The following EEF2 variants were observed in gnomAD, a reference collection of about 807,000 sequenced individuals.
The protein encoded by EEF2 is elongation factor 2.
Under a neutral mutation model 85.3 loss-of-function variants are expected in EEF2, and 21 were observed. The observed-to-expected ratio is 0.25, with a 90% confidence interval of 0.17 to 0.35. EEF2 has a LOEUF of 0.35. Ranked by LOEUF, EEF2 falls within the 10% of genes least tolerant of loss-of-function variation. The pLI, the probability that EEF2 is intolerant of heterozygous loss-of-function variation, is 1.00. For missense variants in EEF2, 825 were observed against 1,225.3 expected (o/e 0.67, Z 4.88); for synonymous variants, 723 against 508.8 (o/e 1.42, Z -5.67).
intron 1 of EEF2, 40 bp downstream of exon 1, chr19:3,985,338 C>T (rs768150152): frequency 2.8e-6 from 4 of 1,449,118 alleles, no homozygotes; most frequent in East Asian, 2.8e-5. Flanking sequence ...GCGGAGGCCC[C>T]GCCGCCGCTC....
chr19:3,985,317 G>A (rs2039806460), intron 1 of EEF2, 61 bp downstream of exon 1: 1 of 1,401,160 alleles, frequency 7.1e-7, no homozygotes. Context: ...AGGCTAGGCA[G>A]CGTAGGCCCC....
chr19:3,976,338 G>A lies in EEF2; in HGVS notation c.*216C>T, dbSNP rs1049109020. ...GACCGGCCCATTAAGTCCCTACTAA[G>A]AGGGCGTGTCTGCTGCCTCCGGACT... On this transcript the variant is annotated 3_prime_UTR_variant, in exon 15 of 15. Coordinates refer to ENST00000309311, the MANE Select transcript of EEF2 (RefSeq NM_001961.4). 10 of 317,124 alleles carry A rather than the reference G, an allele frequency of 3.2e-5. No individual in the cohort carries two copies. The highest frequency in any genetic ancestry group is 1.4e-4 in the African/African-American group (6 of 43,642). The allele number at this position is 317,124 out of a possible 1,614,324, so 19.6% of individuals were successfully genotyped here.
chr19:3,980,670 T>A lies in EEF2; in HGVS notation c.1190A>T (p.Tyr397Phe). 2 of 1,614,140 alleles carry A rather than the reference T, an allele frequency of 1.2e-6. No individual in the cohort carries two copies. Among genetic ancestry groups the A allele is most frequent in the South Asian group, 1.1e-5 (1 of 91,084 alleles). ...GGAGGTTGGCACCATTTTGGAAATA[T>A]ACATCATAAGAGGGCCTTTGGGGTC... Reference protein sequence around the residue: ...SCDPKGPLMMYISKMVPTSDK... With the variant: ...SCDPKGPLMMFISKMVPTSDK... The change falls in exon 9 of 15, where the codon TAT (tyrosine) becomes TTT (phenylalanine). Residue 397 changes from tyrosine (Y) to phenylalanine (F), a missense_variant. By Grantham distance (22) the Tyr-to-Phe change is conservative (BLOSUM62 3). Transcript: ENST00000309311.
intron 11 of EEF2, among the ~76,000 whole-genome samples, chr19:3,978,569 GCCGAGGCGGGTGGATCA>G (rs2039705151): frequency 6.6e-6 from 1 of 152,062 alleles, no homozygotes; most frequent in Non-Finnish European, 1.5e-5. Flanking sequence ...ACTTTGGGAG[GCCGAGGCGGGTGGATCA>G]CGAGGTCAGG....
intron 4 of EEF2, 42 bp downstream of exon 4, chr19:3,982,765 C>A (rs768826555): frequency 3.8e-6 from 6 of 1,575,842 alleles, no homozygotes; most frequent in Non-Finnish European, 5.2e-6. Context: ...TCCTGCAGAT[C>A]CCGCTGCGGC....
rs939395235 is a variant in EEF2, at chr19:3,980,099, G to A, written c.1347-33C>T. 12 of 1,600,424 alleles carry A rather than the reference G, an allele frequency of 7.5e-6. No individual in the cohort carries two copies. The East Asian group carries it at 1.8e-4, about 24-fold the overall frequency. ...AAGCAGAAGGCGGCAGCAGGCCGCA[G>A]GGATGGTTGTGCTGGACCCTGGAGG... is the stretch of plus-strand genomic sequence containing the variant. On this transcript the variant is annotated intron_variant, in intron 9 of 14. Transcript: ENST00000309311.
chr19:3,980,479 G>C (rs770574170), intron 9 of EEF2, 35 bp downstream of exon 9: 39 of 1,592,504 alleles, frequency 2.4e-5, no homozygotes, highest in South Asian at 1.9e-4. Flanking sequence ...GCCCGCAACA[G>C]TGCCAAGGGG....
At position 3,977,100 on chromosome 19, in the gene EEF2, T is replaced by C. The variant is rs2039687989; in HGVS notation, c.2383+115A>G. ...GTCAGAAACTGGACCACCTGCTCCA[T>C]CCATCACCTGCTCCCATCAGGACGC... On this transcript the variant is annotated intron_variant, in intron 14 of 14. Transcript: ENST00000309311. The surrounding 1 kb of genome is among the most constrained non-coding windows in gnomAD (Gnocchi z 5.4). 6.9e-7 allele frequency: 1 copy of C among 1,444,428 alleles called. No individual in the cohort carries two copies. The highest frequency in any genetic ancestry group is 2.3e-5 in the East Asian group (1 of 42,898). 89.5% of individuals were successfully genotyped at this position (1,444,428 alleles called of 1,614,324 possible). A position where few individuals can be genotyped will look rare whatever the true frequency, so the allele number is the denominator to read the frequency against.
At chr19:3,984,396 C>T in intron 1 of EEF2, 46 bp from the exon 2 acceptor site, 1 of 1,589,288 alleles carries the variant, frequency 6.3e-7, no homozygotes, top group Non-Finnish European at 8.6e-7. Flanking sequence ...TTTCCAGGAA[C>T]ACAGCATGGC....
chr19:3,976,874 G>A lies in EEF2; in HGVS notation c.2384-127C>T, dbSNP rs549851305. 5.6e-5 allele frequency: 64 copies of A among 1,138,726 alleles called. 1 individual carries two copies. Among genetic ancestry groups the A allele is most frequent in the Middle Eastern group, 2.8e-4 (1 of 3,560 alleles). 70.5% of individuals were successfully genotyped at this position (1,138,726 alleles called of 1,614,324 possible). A position where few individuals can be genotyped will look rare whatever the true frequency, so the allele number is the denominator to read the frequency against. ...CTGCAGACCAGACACTCGGCCTGGT[G>A]CCCAGCACTTCACGAAGGGCCTAGC... is the stretch of plus-strand genomic sequence containing the variant. On this transcript the variant is annotated intron_variant, in intron 14 of 14. Coordinates refer to ENST00000309311, the MANE Select transcript of EEF2 (RefSeq NM_001961.4).
chr19:3,984,381 C>T (rs146572173), intron 1 of EEF2, 31 bp from the exon 2 acceptor site: 17 of 1,605,918 alleles, frequency 1.1e-5, no homozygotes, highest in Admixed American at 1.7e-5. Flanking sequence ...CAGACCAGCT[C>T]GTGATTTCCA....
chr19:3,976,774 G>A, intron 14 of EEF2, 27 bp from the exon 15 acceptor site: 3 of 1,510,286 alleles, frequency 2.0e-6, no homozygotes, highest in Non-Finnish European at 2.6e-6. Context: ...GAGGCTCACT[G>A]GGCCATCGAG....
chr19:3,982,692 C>A, intron 4 of EEF2, 115 bp downstream of exon 4: 1 of 1,254,608 alleles, frequency 8.0e-7, no homozygotes. Flanking sequence ...TTCTCTGTCA[C>A]CCAACATTCC....
chr19:3,984,796 A>G, intron 1 of EEF2: 1 of 191,538 alleles, frequency 5.2e-6, no homozygotes, highest in Non-Finnish European at 1.1e-5. Context: ...CACCCACCCC[A>G]GGAAATAACG....
intron 11 of EEF2, among the ~76,000 whole-genome samples, chr19:3,978,803 CA>C (rs58074233): frequency 0.018 from 668 of 36,742 alleles, 3 homozygotes; most frequent in Non-Finnish European, 0.029. Flanking sequence ...ACTCTTGTCT[CA>C]AAAAAAAAAA....
Position 3,977,285 on chromosome 19 carries a change from G to C in EEF2, c.2313C>G (p.Phe771Leu). Residue 771 changes from phenylalanine (F) to leucine (L), a missense_variant, in exon 14 of 15, where the codon TTC (phenylalanine) becomes TTG (leucine). Coordinates refer to ENST00000309311, the MANE Select transcript of EEF2 (RefSeq NM_001961.4). The surrounding 1 kb of genome is among the most constrained non-coding windows in gnomAD (Gnocchi z 5.4). Reference sequence around the variant, plus strand: ...GGGTGCCGGCCACCTGGGACTCCTCGAACACGTGGCCCCGCTTCCTGTTCA... The same window carrying C: ...GGGTGCCGGCCACCTGGGACTCCTCCAACACGTGGCCCCGCTTCCTGTTCA... ...GVLNRKRGHV[F>L]EESQVAGTPM... 6.2e-7 allele frequency: 1 copy of C among 1,610,232 alleles called. No individual in the cohort carries two copies. Among genetic ancestry groups the C allele is most frequent in the Non-Finnish European group, 8.5e-7 (1 of 1,178,240 alleles).
At position 3,983,480 on chromosome 19, in the gene EEF2, G is replaced by A. The variant is rs558030374; in HGVS notation, c.219-189C>T. On this transcript the variant is annotated intron_variant, in intron 2 of 14. Coordinates refer to ENST00000309311, the MANE Select transcript of EEF2 (RefSeq NM_001961.4). ...GCCACCCCCATGACAGGGAACTCCT[G>A]GTACCAGCCCCATAGCCAGATCCTC... 6.6e-5 allele frequency among the ~76,000 whole-genome samples: 10 copies of A among 152,096 alleles called. No homozygotes were observed. The South Asian group carries it at 1.7e-3, about 25-fold the overall frequency.
rs1390300058 is a variant in EEF2, at chr19:3,980,987, G to A, written c.1012-8C>T. ...CCAGCGGCGCATCACAGCCTGCGGG[G>A]GCAGAGAGCGGTGCATGAGACACCT... is the stretch of plus-strand genomic sequence containing the variant. On this transcript the variant is annotated splice_region_variant and splice_polypyrimidine_tract_variant and intron_variant, in intron 7 of 14. Coordinates refer to ENST00000309311, the MANE Select transcript of EEF2 (RefSeq NM_001961.4). 2.6e-6 allele frequency: 4 copies of A among 1,566,404 alleles called. No homozygotes were observed. The highest frequency in any genetic ancestry group is 1.2e-5 in the South Asian group (1 of 85,592).
rs2039809386 is a variant in EEF2 at position 3,985,458 on chromosome 19, GA to G, written c.-79del. ...GCCGAGGATGGCGGCGACGACGGCG[GA>G]AGAGAACGCTGACGTCAACACTCAG... On this transcript the variant is annotated 5_prime_UTR_variant, in exon 1 of 15. Coordinates refer to ENST00000309311, the MANE Select transcript of EEF2 (RefSeq NM_001961.4). The G allele has an allele frequency of 7.2e-7, 1 of 1,396,132 alleles. No homozygotes were observed. The highest frequency in any genetic ancestry group is 1.5e-5 in the African/African-American group (1 of 67,678). The allele number at this position is 1,396,132 out of a possible 1,614,324, so 86.5% of individuals were successfully genotyped here. A position where few individuals can be genotyped will look rare whatever the true frequency, so the allele number is the denominator to read the frequency against.
Sources: allele counts gnomAD v4.1 joint callset (sites outside exome capture counted in the v4.1 genomes callset), GRCh38; gene constraint gnomAD v4.1.1; non-coding constraint Gnocchi (gnomAD v3.1); transcripts MANE v1.5; gene names NCBI Gene and HGNC (gene_info 2026-07-23, HGNC 2026-07-21).